The following CDC16 variants were observed in gnomAD, a reference collection of about 807,000 sequenced individuals.
CDC16 encodes the protein cell division cycle protein 16 homolog.
Under a neutral mutation model 87.0 loss-of-function variants are expected in CDC16, and 34 were observed. The ratio of observed to expected loss-of-function variants is 0.39; its 90% confidence interval spans 0.30 to 0.52. CDC16 has a LOEUF of 0.52. CDC16 is among the 20% of genes least tolerant of loss of function. CDC16 has a pLI of 0.74. For missense variants in CDC16, 653 were observed against 751.9 expected (o/e 0.87, Z 1.54); for synonymous variants, 263 against 260.6 (o/e 1.01, Z -0.09).
chr13:114,257,465 A>G (rs932205228), intron 13 of CDC16, among the ~76,000 whole-genome samples: 4 of 152,208 alleles, frequency 2.6e-5, no homozygotes, highest in African/African-American at 9.7e-5. Context: ...CTTTTCTTAC[A>G]TGATTGGACA....
Position 114,272,366 on chromosome 13 carries a change from T to A in CDC16, c.1786T>A (p.Leu596Met), listed in dbSNP as rs939513007. ...SRKTPDSRPS[L>M]EETFEIEMNE... The stretch of plus-strand genomic sequence containing the variant: ...GAAAACTCCAGATTCCAGACCTTCC[T>A]TGGAAGAAACCTTTGAAATTGAAAT... The change falls in exon 18 of 18, where the codon TTG becomes ATG. Residue 596 changes from leucine (L) to methionine (M), a missense_variant. Coordinates refer to ENST00000356221, the MANE Select transcript of CDC16 (RefSeq NM_001078645.3). 1.2e-6 allele frequency: 2 copies of A among 1,614,116 alleles called. No individual in the cohort carries two copies. Among genetic ancestry groups the A allele is most frequent in the Non-Finnish European group, 1.7e-6 (2 of 1,179,914 alleles).
intron 17 of CDC16, among the ~76,000 whole-genome samples, chr13:114,269,744 A>G (rs144512674): frequency 0.024 from 3,723 of 152,306 alleles, 158 homozygotes; most frequent in African/African-American, 0.085. Flanking sequence ...TCACTCAGTC[A>G]CCCAGGCTGG....
chr13:114,259,314 C>A (rs1269703599), intron 13 of CDC16, 21 bp from the exon 14 acceptor site: 2 of 1,556,732 alleles, frequency 1.3e-6, no homozygotes, highest in Non-Finnish European at 1.7e-6. Context: ...TAATCTGCAA[C>A]CTTTTTTCCT....
intron 11 of CDC16, among the ~76,000 whole-genome samples, chr13:114,249,382 T>C (rs1001245208): frequency 4.6e-5 from 7 of 151,926 alleles, no homozygotes; most frequent in Admixed American, 4.6e-4. Flanking sequence ...GAAGCTTTAC[T>C]CACCTGCCTG....
intron 12 of CDC16, among the ~76,000 whole-genome samples, chr13:114,253,563 G>A (rs1387070558): frequency 6.6e-6 from 1 of 151,800 alleles, no homozygotes; most frequent in Admixed American, 6.6e-5. Flanking sequence ...GGTGGCTCAC[G>A]CCTGTAGTCC....
rs1418000835 is a variant in CDC16 at position 114,234,951 on chromosome 13, G to A, written c.-134G>A. 1.8e-6 allele frequency: 1 copy of A among 559,004 alleles called. No individual in the cohort carries two copies. The highest frequency in any genetic ancestry group is 2.7e-6 in the Non-Finnish European group (1 of 374,442). The allele number at this position is 559,004 out of a possible 1,614,324, so 34.6% of individuals were successfully genotyped here. The stretch of plus-strand genomic sequence containing the variant: ...GTGTGGGTGGGGACCTGCGGCCTTC[G>A]AGTCCGCGGCCTTCGAGTCCTGGGG... On this transcript the variant is annotated 5_prime_UTR_variant, in exon 1 of 18. Coordinates refer to ENST00000356221, the MANE Select transcript of CDC16 (RefSeq NM_001078645.3).
At chr13:114,252,644 CAA>C (rs34493717) in intron 12 of CDC16, among the ~76,000 whole-genome samples, 1 of 129,878 alleles carries the variant, frequency 7.7e-6, no homozygotes, top group Non-Finnish European at 1.6e-5. Flanking sequence ...AATTTGTTAC[CAA>C]AAAAAAAATC....
intron 3 of CDC16, among the ~76,000 whole-genome samples, chr13:114,238,335 C>T (rs2081362040): frequency 6.8e-6 from 1 of 147,440 alleles, no homozygotes; most frequent in Non-Finnish European, 1.5e-5. Context: ...TGAAGTGGAG[C>T]TGCTGCGATC....
Position 114,272,251 on chromosome 13 carries a change from CAT to C in CDC16, c.1672_1673del (p.Ile558TyrfsTer11). ...DVHTMKTLKN[I>X]ISPPWDFREF... ...TGCATACAATGAAGACACTAAAAAACATTATTTCACCTCCGTGGGATTTCAGG... is the reference window on the plus strand; with the variant it reads ...TGCATACAATGAAGACACTAAAAAACTATTTCACCTCCGTGGGATTTCAGG... On this transcript the variant is annotated frameshift_variant, in exon 18 of 18. Coordinates refer to ENST00000356221, the MANE Select transcript of CDC16 (RefSeq NM_001078645.3). LOFTEE classifies it high-confidence loss of function. 1 of 1,612,242 alleles carries C rather than the reference CAT, an allele frequency of 6.2e-7. No individual in the cohort carries two copies. Among genetic ancestry groups the C allele is most frequent in the Non-Finnish European group, 8.5e-7 (1 of 1,178,458 alleles).
In CDC16 at chr13:114,236,818, T is replaced by C. The variant is rs750861820; in HGVS notation, c.123T>C (p.Tyr41=). The C allele has an allele frequency of 5.6e-6, 9 of 1,613,604 alleles. No homozygotes were observed. In the Admixed American group the frequency reaches 1.0e-4, roughly 18 times the overall value. The part of the protein sequence containing the change: ...SLSREEPQDI[Y]WLAQCLYLTA... The stretch of plus-strand genomic sequence containing the variant: ...CTCCAGAAGAACCCCAGGACATCTA[T>C]TGGTTGGCTCAGTGTCTTTACCTGA... Residue 41 remains tyrosine, a synonymous_variant, in exon 3 of 18, where the codon TAT becomes TAC. Coordinates refer to ENST00000356221, the MANE Select transcript of CDC16 (RefSeq NM_001078645.3).
chr13:114,249,900 C>G (rs1015560118), intron 11 of CDC16, among the ~76,000 whole-genome samples: 1 of 152,184 alleles, frequency 6.6e-6, no homozygotes, highest in Non-Finnish European at 1.5e-5. Flanking sequence ...TTTTGCTATA[C>G]TATTAAACAG....
At chr13:114,245,529 G>C (rs1171499320) in intron 9 of CDC16, among the ~76,000 whole-genome samples, 1 of 152,172 alleles carries the variant, frequency 6.6e-6, no homozygotes, top group Non-Finnish European at 1.5e-5. Context: ...GTGGAAGCTG[G>C]TTGGAAATGC....
chr13:114,246,545 G>A lies in CDC16; in HGVS notation c.898-386G>A, dbSNP rs1170898696. Among the ~76,000 whole-genome samples, 5 of 152,156 alleles carry A rather than the reference G, an allele frequency of 3.3e-5. No individual in the cohort carries two copies. The East Asian group carries it at 7.7e-4, about 23-fold the overall frequency. On this transcript the variant is annotated intron_variant, in intron 10 of 17. Transcript: ENST00000356221. ...AGGAATCAGGGTGTAAGACTCAGAC[G>A]ACAAGAATTTGCACCCTATCCCAGT...
intron 11 of CDC16, among the ~76,000 whole-genome samples, chr13:114,248,046 G>T (rs909379744): frequency 5.3e-5 from 8 of 152,076 alleles, no homozygotes; most frequent in African/African-American, 1.9e-4. Flanking sequence ...TAAAATTGGG[G>T]TCACTAAATG....
chr13:114,234,993 AGGCACG>A lies in CDC16; in HGVS notation c.-77_-72del, dbSNP rs530325430. 298 of 872,534 alleles carry A rather than the reference AGGCACG, an allele frequency of 3.4e-4. No homozygotes were observed. The African/African-American group carries it at 4.5e-3, about 13-fold the overall frequency. 54.0% of individuals were successfully genotyped at this position (872,534 alleles called of 1,614,324 possible). A position where few individuals can be genotyped will look rare whatever the true frequency, so the allele number is the denominator to read the frequency against. ...GTCCTGGGGCGGCGGCGGCGGCTGCAGGCACGGGCACGGGCACGGGGCGGGGTGCTT... is the reference window on the plus strand; with the variant it reads ...GTCCTGGGGCGGCGGCGGCGGCTGCAGGCACGGGCACGGGGCGGGGTGCTT... On this transcript the variant is annotated 5_prime_UTR_variant, in exon 1 of 18. Coordinates refer to ENST00000356221, the MANE Select transcript of CDC16 (RefSeq NM_001078645.3).
chr13:114,262,023 T>C lies in CDC16; in HGVS notation c.1376+75T>C, dbSNP rs551472534. ...ACTTAATTTTGAATACTTTGTCATATTCTTATTTCATGAGATCAACCAGCT... is the reference window on the plus strand; with the variant it reads ...ACTTAATTTTGAATACTTTGTCATACTCTTATTTCATGAGATCAACCAGCT... On this transcript the variant is annotated intron_variant, in intron 15 of 17. Coordinates refer to ENST00000356221, the MANE Select transcript of CDC16 (RefSeq NM_001078645.3). 155 of 886,130 alleles carry C rather than the reference T, an allele frequency of 1.7e-4. No individual in the cohort carries two copies. In the Admixed American group the frequency reaches 2.3e-3, roughly 13 times the overall value. The allele number at this position is 886,130 out of a possible 1,614,324, so 54.9% of individuals were successfully genotyped here. A position where few individuals can be genotyped will look rare whatever the true frequency, so the allele number is the denominator to read the frequency against.
chr13:114,256,878 G>A (rs1377014900), intron 12 of CDC16, among the ~76,000 whole-genome samples, 200 bp from the exon 13 acceptor site: 1 of 152,136 alleles, frequency 6.6e-6, no homozygotes, highest in African/African-American at 2.4e-5. Context: ...ATAAGTTGCA[G>A]ATAGATTCTA....
intron 12 of CDC16, among the ~76,000 whole-genome samples, chr13:114,255,525 ACT>A (rs1172697714): frequency 2.6e-5 from 4 of 152,224 alleles, no homozygotes; most frequent in African/African-American, 7.2e-5. Flanking sequence ...CTGTCATGAC[ACT>A]CAAAAAGAAT....
At chr13:114,250,486 T>C in intron 11 of CDC16, 63 bp from the exon 12 acceptor site, 1 of 1,423,380 alleles carries the variant, frequency 7.0e-7, no homozygotes, top group Non-Finnish European at 9.5e-7. Flanking sequence ...AGTGAGACTT[T>C]GTCTCAAAAA....
Sources: gnomAD v4.1 joint callset for allele counts (sites outside exome capture counted in the v4.1 genomes callset) on GRCh38, gnomAD v4.1.1 for gene constraint, MANE v1.5 for transcripts, NCBI Gene and HGNC (gene_info 2026-07-23, HGNC 2026-07-21) for gene names.